MAGI2: variants seen among roughly 807,000 people sequenced by gnomAD.
MAGI2 encodes the protein membrane associated guanylate kinase, WW and PDZ domain containing 2.
A neutral mutation model predicts 133.3 loss-of-function variants in MAGI2; 35 were observed. The ratio of observed to expected loss-of-function variants is 0.26; its 90% confidence interval spans 0.20 to 0.35. MAGI2 has a LOEUF of 0.35. MAGI2 is among the 10% of genes least tolerant of loss of function. The pLI, the probability that MAGI2 is intolerant of heterozygous loss-of-function variation, is 1.00. For synonymous variants in MAGI2, 729 were observed against 710.6 expected (o/e 1.03, Z -0.41); for missense variants, 1,636 against 1,863.4 (o/e 0.88, Z 2.25).
intron 1 of MAGI2, among the ~76,000 whole-genome samples, chr7:79,077,295 C>T (rs142226980): frequency 3.6e-4 from 54 of 152,050 alleles, no homozygotes; most frequent in African/African-American, 1.3e-3. Context: ...CGGTGGCTCA[C>T]GCCTGTAATC....
intron 2 of MAGI2, among the ~76,000 whole-genome samples, chr7:78,789,208 T>G (rs142248476): frequency 6.6e-6 from 1 of 152,294 alleles, no homozygotes; most frequent in African/African-American, 2.4e-5. Context: ...GATTTAGAAT[T>G]AAAAAAACCA....
intron 21 of MAGI2, among the ~76,000 whole-genome samples, chr7:78,041,966 G>T (rs777305342): frequency 1.3e-5 from 2 of 152,186 alleles, no homozygotes; most frequent in Non-Finnish European, 2.9e-5. Flanking sequence ...AGACACAGGG[G>T]TCTGCCGCAT....
chr7:79,013,867 A>G (rs2116612740), intron 1 of MAGI2, among the ~76,000 whole-genome samples: 1 of 152,316 alleles, frequency 6.6e-6, no homozygotes, highest in Non-Finnish European at 1.5e-5. Context: ...CATAAAGCTC[A>G]TTGAAGATGC....
In MAGI2 at chr7:78,524,944, T is replaced by G. The variant is rs112479116; in HGVS notation, c.539-3299A>C. 7.3e-5 allele frequency among the ~76,000 whole-genome samples: 7 copies of G among 95,906 alleles called. 2 individuals carry two copies. The highest frequency in any genetic ancestry group is 4.7e-4 in the African/African-American group (7 of 14,844). The allele number at this position is 95,906 out of a possible 152,430, so 62.9% of individuals were successfully genotyped here. ...TAGTACTAAGCAAAATGGATCACAC[T>G]TCAGTGTTTTTTTTCCCTATTTGTC... On this transcript the variant is annotated intron_variant, in intron 3 of 21. Transcript: ENST00000354212.
chr7:78,390,306 A>T (rs1472101927), intron 6 of MAGI2, among the ~76,000 whole-genome samples: 1 of 152,228 alleles, frequency 6.6e-6, no homozygotes, highest in Non-Finnish European at 1.5e-5. Context: ...ATTTTCAGAT[A>T]TTATTTGGTT....
At chr7:78,352,397 G>T (rs1169423123) in intron 7 of MAGI2, among the ~76,000 whole-genome samples, 1 of 152,114 alleles carries the variant, frequency 6.6e-6, no homozygotes, top group African/African-American at 2.4e-5. Flanking sequence ...ATGGAAAAAT[G>T]GCATCTATTT....
At chr7:78,609,755 A>G (rs892319543) in intron 3 of MAGI2, among the ~76,000 whole-genome samples, 2 of 152,094 alleles carry the variant, frequency 1.3e-5, no homozygotes, top group African/African-American at 4.8e-5. Context: ...ATACTAAGAG[A>G]CACCCTAATG....
At chr7:78,890,069 T>C (rs1442475520) in intron 2 of MAGI2, among the ~76,000 whole-genome samples, 1 of 151,976 alleles carries the variant, frequency 6.6e-6, no homozygotes, top group Non-Finnish European at 1.5e-5. Flanking sequence ...AAGGCAGTGG[T>C]TGCAATCCTA....
At chr7:79,407,739 C>G (rs2129168752) in intron 1 of MAGI2, among the ~76,000 whole-genome samples, 1 of 151,974 alleles carries the variant, frequency 6.6e-6, no homozygotes, top group Non-Finnish European at 1.5e-5. Context: ...AAGATATGAA[C>G]TTCAAATAGA....
chr7:79,364,912 A>C (rs1842602016), intron 1 of MAGI2, among the ~76,000 whole-genome samples: 1 of 129,188 alleles, frequency 7.7e-6, no homozygotes, highest in African/African-American at 3.5e-5. Flanking sequence ...CAAAATTAAA[A>C]AAAAAATACT....
chr7:78,349,185 G>A (rs563005164), intron 7 of MAGI2, among the ~76,000 whole-genome samples: 3 of 152,196 alleles, frequency 2.0e-5, no homozygotes, highest in African/African-American at 7.2e-5. Flanking sequence ...CTATATACAG[G>A]ATACATGTGT....
At chr7:79,117,159 T>A (rs1483624717) in intron 1 of MAGI2, among the ~76,000 whole-genome samples, 2 of 152,186 alleles carry the variant, frequency 1.3e-5, no homozygotes, top group Admixed American at 6.6e-5. Flanking sequence ...TGCTTCTATC[T>A]TAGAGTGTTT....
intron 1 of MAGI2, among the ~76,000 whole-genome samples, chr7:79,010,137 T>C (rs1562782754): frequency 1.3e-5 from 2 of 152,058 alleles, no homozygotes; most frequent in Non-Finnish European, 2.9e-5. Flanking sequence ...ATGTGTATAA[T>C]ACATGTGTGT....
chr7:78,964,837 A>T (rs1229995369), intron 2 of MAGI2, among the ~76,000 whole-genome samples: 2 of 151,976 alleles, frequency 1.3e-5, no homozygotes, highest in Non-Finnish European at 2.9e-5. Flanking sequence ...TGTCTTTATC[A>T]TTGACTTTTT....
At chr7:78,051,598 T>C (rs1277215915) in intron 21 of MAGI2, among the ~76,000 whole-genome samples, 1 of 152,136 alleles carries the variant, frequency 6.6e-6, no homozygotes. Context: ...TGGAGATACA[T>C]ATTTGAGACA....
chr7:78,168,215 GC>G, intron 14 of MAGI2, 107 bp from the exon 15 acceptor site: 1 of 971,326 alleles, frequency 1.0e-6, no homozygotes, highest in Non-Finnish European at 1.5e-6. Context: ...AAGTACAGTG[GC>G]CCAGTCTCAG....
chr7:79,085,839 C>CTGTGCACA (rs1816437631), intron 1 of MAGI2, among the ~76,000 whole-genome samples: 1 of 151,910 alleles, frequency 6.6e-6, no homozygotes, highest in African/African-American at 2.4e-5. Context: ...TCCCAGCCTT[C>CTGTGCACA]CATGAGGGCC....
chr7:79,318,481 T>C (rs1585552211), intron 1 of MAGI2, among the ~76,000 whole-genome samples: 1 of 152,200 alleles, frequency 6.6e-6, no homozygotes, highest in Admixed American at 6.6e-5. Flanking sequence ...AGTGAAATAA[T>C]GGCCATCCTT....
At chr7:78,590,047 T>G (rs1803835042) in intron 3 of MAGI2, among the ~76,000 whole-genome samples, 1 of 152,206 alleles carries the variant, frequency 6.6e-6, no homozygotes, top group South Asian at 2.1e-4. Context: ...TTGTGTACCC[T>G]AAAGCAATGA....
Sources: gnomAD v4.1 joint callset for allele counts (sites outside exome capture counted in the v4.1 genomes callset) on GRCh38, gnomAD v4.1.1 for gene constraint, MANE v1.5 for transcripts, NCBI Gene and HGNC (gene_info 2026-07-23, HGNC 2026-07-21) for gene names.